PAK5: variants seen among roughly 807,000 people sequenced by gnomAD.
The protein encoded by PAK5 is p21 (RAC1) activated kinase 5.
PAK5 carries 16 observed loss-of-function variants against 65.9 expected under a neutral mutation model. That is an observed-to-expected ratio of 0.24 (90% CI 0.16 to 0.37). The LOEUF is 0.37. PAK5 is among the 10% of genes least tolerant of loss of function. The pLI is 1.00. For missense variants in PAK5, 785 were observed against 903.9 expected, an observed-to-expected ratio of 0.87 and a Z score of 1.69; for synonymous variants, 371 against 354.9, an observed-to-expected ratio of 1.05 and a Z score of -0.51.
intron 1 of PAK5, among the ~76,000 whole-genome samples, chr20:9,804,506 A>G (rs1203417067): frequency 6.6e-6 from 1 of 152,232 alleles, no homozygotes; most frequent in Non-Finnish European, 1.5e-5. Flanking sequence ...ACAATTAAAT[A>G]TCCACATACA....
chr20:9,668,127 C>T (rs1048340261), intron 2 of PAK5, among the ~76,000 whole-genome samples: 2 of 151,836 alleles, frequency 1.3e-5, no homozygotes, highest in South Asian at 2.1e-4. Context: ...AAAGAGAAGC[C>T]GCATGTTAGG....
chr20:9,607,749 G>T (rs6056748), intron 3 of PAK5, among the ~76,000 whole-genome samples: 85,825 of 151,830 alleles, frequency 0.57, 26,411 homozygotes, highest in African/African-American at 0.82. Context: ...TTACTTGAGC[G>T]TGGGAGGTTG....
chr20:9,792,063 C>T (rs2049055646), intron 1 of PAK5, among the ~76,000 whole-genome samples: 1 of 152,192 alleles, frequency 6.6e-6, no homozygotes, highest in Non-Finnish European at 1.5e-5. Context: ...CCCTACCAGA[C>T]TGTAAGCACC....
chr20:9,647,723 C>T (rs2047151984), intron 2 of PAK5, among the ~76,000 whole-genome samples: 2 of 152,196 alleles, frequency 1.3e-5, no homozygotes, highest in Admixed American at 1.3e-4. Flanking sequence ...TGCAGTTCTA[C>T]CTCTCCAGTA....
At chr20:9,625,821 T>C (rs564863215) in intron 3 of PAK5, among the ~76,000 whole-genome samples, 2 of 152,388 alleles carry the variant, frequency 1.3e-5, no homozygotes, top group Admixed American at 6.5e-5. Flanking sequence ...TCCTTGGCTT[T>C]ATTTTTATTC....
At chr20:9,605,566 A>C (rs2046438422) in intron 3 of PAK5, among the ~76,000 whole-genome samples, 1 of 152,222 alleles carries the variant, frequency 6.6e-6, no homozygotes. Context: ...GAGACATGGT[A>C]TGTGTTAACA....
rs754435525 is a variant in PAK5, at chr20:9,665,085, G to GTTTTTTTTTTTTTTTTTTTTTTTTTTTTT, written c.-11-20747_-11-20746insAAAAAAAAAAAAAAAAAAAAAAAAAAAAA. On this transcript the variant is annotated intron_variant, in intron 2 of 9. Transcript: ENST00000353224. ...CCACCATGCCCAGCTAAATTTTTCT[G>GTTTTTTTTTTTTTTTTTTTTTTTTTTTTT]TTTTTTTTTTTTTTTGTAGTGATGA... 3.0e-5 allele frequency among the ~76,000 whole-genome samples: 3 copies of GTTTTTTTTTTTTTTTTTTTTTTTTTTTTT among 98,918 alleles called. 1 individual carries two copies. Among genetic ancestry groups the GTTTTTTTTTTTTTTTTTTTTTTTTTTTTT allele is most frequent in the African/African-American group, 1.2e-4 (3 of 24,604 alleles). 64.9% of individuals were successfully genotyped at this position (98,918 alleles called of 152,430 possible).
At chr20:9,543,703 T>G (rs2045302310) in intron 8 of PAK5, among the ~76,000 whole-genome samples, 1 of 152,186 alleles carries the variant, frequency 6.6e-6, no homozygotes, top group African/African-American at 2.4e-5. Context: ...TCCATCTGTA[T>G]GTAGCCTTAT....
At chr20:9,543,966 T>C (rs1313176750) in intron 8 of PAK5, among the ~76,000 whole-genome samples, 1 of 152,228 alleles carries the variant, frequency 6.6e-6, no homozygotes, top group South Asian at 2.1e-4. Context: ...CATTTAAATA[T>C]CACCTCTATT....
intron 2 of PAK5, among the ~76,000 whole-genome samples, chr20:9,672,348 A>G (rs2047511390): frequency 6.8e-6 from 1 of 147,428 alleles, no homozygotes; most frequent in African/African-American, 2.5e-5. Context: ...CTAGATACTC[A>G]GTGATATAGT....
At chr20:9,762,311 C>T (rs1309264321) in intron 1 of PAK5, among the ~76,000 whole-genome samples, 1 of 152,186 alleles carries the variant, frequency 6.6e-6, no homozygotes, top group Non-Finnish European at 1.5e-5. Flanking sequence ...AAACAATTAA[C>T]AAAATGAAAA....
intron 2 of PAK5, among the ~76,000 whole-genome samples, chr20:9,689,939 T>C (rs2047769507): frequency 6.6e-6 from 1 of 152,078 alleles, no homozygotes; most frequent in Admixed American, 6.5e-5. Context: ...CATAAGAACA[T>C]TTACATACAG....
intron 1 of PAK5, among the ~76,000 whole-genome samples, chr20:9,791,383 C>T (rs1172821107): frequency 6.6e-6 from 1 of 152,068 alleles, no homozygotes; most frequent in Non-Finnish European, 1.5e-5. Flanking sequence ...CCCAGTCACC[C>T]AAAGCAGGAC....
At chr20:9,678,383 C>T (rs6133738) in intron 2 of PAK5, among the ~76,000 whole-genome samples, 28,636 of 151,988 alleles carry the variant, frequency 0.19, 3,080 homozygotes, top group East Asian at 0.36. Flanking sequence ...CTGGCTAACA[C>T]GGTGAAACCC....
At chr20:9,626,014 T>C (rs2123207142) in intron 3 of PAK5, among the ~76,000 whole-genome samples, 1 of 152,292 alleles carries the variant, frequency 6.6e-6, no homozygotes, top group African/African-American at 2.4e-5. Context: ...GCTCTGAAAC[T>C]GCAAGGTAAG....
At chr20:9,806,060 G>A (rs2049228156) in intron 1 of PAK5, among the ~76,000 whole-genome samples, 1 of 152,184 alleles carries the variant, frequency 6.6e-6, no homozygotes, top group Non-Finnish European at 1.5e-5. Flanking sequence ...TGCCTCCTGG[G>A]TTCAAGCAAT....
At position 9,571,116 on chromosome 20, in the gene PAK5, T is replaced by C. The variant is rs144125701; in HGVS notation, c.991-4732A>G. On this transcript the variant is annotated intron_variant, in intron 4 of 9. Transcript: ENST00000353224. ...ACTAGTATCACAAGAGACAATGTTT[T>C]GAATGAAACTCAAGGCATACTCATC... Among the ~76,000 whole-genome samples the C allele has an allele frequency of 4.0e-3, 610 of 152,350 alleles. 3 individuals are homozygous for C. The highest frequency in any genetic ancestry group is 0.014 in the African/African-American group (589 of 41,590).
chr20:9,795,358 G>A (rs749293999), intron 1 of PAK5, among the ~76,000 whole-genome samples: 9 of 151,960 alleles, frequency 5.9e-5, no homozygotes, highest in Non-Finnish European at 1.5e-5. Context: ...TAAAATGATT[G>A]AGCATTTTTC....
intron 1 of PAK5, among the ~76,000 whole-genome samples, chr20:9,734,732 T>A (rs1304548085): frequency 6.6e-6 from 1 of 152,204 alleles, no homozygotes; most frequent in Non-Finnish European, 1.5e-5. Flanking sequence ...TTGTGTGTAA[T>A]AACTACTCTC....
Sources: allele counts gnomAD v4.1 joint callset (sites outside exome capture counted in the v4.1 genomes callset), GRCh38; gene constraint gnomAD v4.1.1; transcripts MANE v1.5; gene names NCBI Gene and HGNC (gene_info 2026-07-23, HGNC 2026-07-21).